The following SYTL5 variants were observed in gnomAD, a reference collection of about 807,000 sequenced individuals.
The protein encoded by SYTL5 is synaptotagmin like 5.
SYTL5 carries 34 observed loss-of-function variants against 55.9 expected under a neutral mutation model. That is an observed-to-expected ratio of 0.61 (90% CI 0.46 to 0.81). The LOEUF is 0.81. Among genes scored for constraint, SYTL5 ranks in the 30% least tolerant of loss-of-function variants. SYTL5 has a pLI of 0.00. For synonymous variants in SYTL5, 221 were observed against 188.7 expected (o/e 1.17, Z -1.40); for missense variants, 637 against 546.7 (o/e 1.17, Z -1.65).
chrX:38,006,560 C>T lies in SYTL5; in HGVS notation c.-465C>T, dbSNP rs948334906. The T allele has an allele frequency of 1.3e-4, 15 of 111,675 alleles. No individual in the cohort carries two copies. Among genetic ancestry groups the T allele is most frequent in the Middle Eastern group, 9.1e-3 (2 of 219 alleles). 9.2% of individuals were successfully genotyped at this position (111,675 alleles called of 1,213,427 possible). A position where few individuals can be genotyped will look rare whatever the true frequency, so the allele number is the denominator to read the frequency against. Reference sequence around the variant, plus strand: ...GTGGGAATATGAGAGGCTGGTTTTTCAAGTTCCTGCTCCAAGTAGTTCACA... The same window carrying T: ...GTGGGAATATGAGAGGCTGGTTTTTTAAGTTCCTGCTCCAAGTAGTTCACA... On this transcript the variant is annotated 5_prime_UTR_variant, in exon 1 of 17. Coordinates refer to ENST00000297875, the MANE Select transcript of SYTL5 (RefSeq NM_138780.3).
chrX:37,989,319 T>A, the SYTL5 span, among the ~76,000 whole-genome samples: 2 of 112,311 alleles, frequency 1.8e-5, no homozygotes, highest in Non-Finnish European at 1.9e-5. Flanking sequence ...GACAATGTTA[T>A]ATCAGCAGAA....
At chrX:37,917,095 G>A in the SYTL5 span, among the ~76,000 whole-genome samples, 5 of 111,208 alleles carry the variant, frequency 4.5e-5, no homozygotes, top group African/African-American at 1.6e-4. Flanking sequence ...TTTGGGAGGA[G>A]TGCCATTCTC....
the SYTL5 span, among the ~76,000 whole-genome samples, chrX:37,909,489 T>C: frequency 5.0e-4 from 56 of 111,027 alleles, no homozygotes; most frequent in African/African-American, 1.8e-3. Flanking sequence ...TCAATTTTTT[T>C]TTTTTAGCTC....
At chrX:38,023,386 A>C (rs1934630461) in intron 1 of SYTL5, among the ~76,000 whole-genome samples, 1 of 112,000 alleles carries the variant, frequency 8.9e-6, no homozygotes, top group African/African-American at 3.2e-5. Context: ...ATACATCCAA[A>C]ATAATAAACA....
the SYTL5 span, among the ~76,000 whole-genome samples, chrX:37,969,971 T>C: frequency 8.9e-6 from 1 of 112,193 alleles, no homozygotes; most frequent in Non-Finnish European, 1.9e-5. Context: ...ACTTTTAAGA[T>C]ATCAATCTGA....
rs1937655431 is a variant in SYTL5 at position 38,126,640 on chromosome X, G to A, written c.2103G>A (p.Gln701=). Residue 701 remains glutamine (Q), a synonymous_variant, in exon 17 of 17, where the codon CAG becomes CAA. Coordinates refer to ENST00000297875, the MANE Select transcript of SYTL5 (RefSeq NM_138780.3). ...GGATGGACTCTCAGGGGGAAGAGCA[G>A]CGCCTTTGGCAGAAGATGGCCAACA... ...VDWMDSQGEE[Q]RLWQKMANNP... The A allele has an allele frequency of 3.4e-5, 41 of 1,208,908 alleles. No homozygotes were observed. Among genetic ancestry groups the A allele is most frequent in the Non-Finnish European group, 4.5e-5 (40 of 894,618 alleles).
the SYTL5 span, among the ~76,000 whole-genome samples, chrX:37,895,461 C>CCTCA: frequency 1.1e-5 from 1 of 88,170 alleles, no homozygotes; most frequent in African/African-American, 5.9e-5. Flanking sequence ...TCCTTCCCTC[C>CCTCA]CTCCCTCCCT....
rs759879809 is a variant in SYTL5, at chrX:38,110,407, C to T, written c.1521C>T (p.Leu507=). The part of the protein sequence containing the change: ...HYDRFGRNSF[L]GEVEIPFDSW... ...ATCGATTTGGACGTAATAGCTTCCT[C>T]GGGGAAGTAGAGATTCCTTTTGACT... The change falls in exon 13 of 17, where the codon CTC becomes CTT. Residue 507 remains leucine, a synonymous_variant. Transcript: ENST00000297875. The T allele has an allele frequency of 8.3e-6, 10 of 1,206,804 alleles. No individual in the cohort carries two copies. In the South Asian group the frequency reaches 1.1e-4, roughly 13 times the overall value.
chrX:37,945,687 C>T, the SYTL5 span, among the ~76,000 whole-genome samples: 14 of 111,972 alleles, frequency 1.3e-4, no homozygotes, highest in South Asian at 5.2e-3. Flanking sequence ...CAAATTTGTA[C>T]TTCCTGAGTT....
chrX:37,972,504 G>T, the SYTL5 span, among the ~76,000 whole-genome samples: 1 of 111,395 alleles, frequency 9.0e-6, no homozygotes, highest in Non-Finnish European at 1.9e-5. Flanking sequence ...CTCCGGTTTC[G>T]GGCAACTCCT....
intron 2 of SYTL5, among the ~76,000 whole-genome samples, chrX:38,045,988 G>C (rs2147263404): frequency 8.9e-6 from 1 of 111,817 alleles, no homozygotes; most frequent in South Asian, 3.8e-4. Flanking sequence ...GCTTTGCACA[G>C]CTAGGAAAGA....
intron 7 of SYTL5, among the ~76,000 whole-genome samples, chrX:38,093,881 G>A (rs191524856): frequency 9.1e-5 from 10 of 110,207 alleles, no homozygotes; most frequent in Non-Finnish European, 1.9e-4. Flanking sequence ...TGAAGAGAGG[G>A]TATGTTGAAA....
At chrX:38,084,113 A>G (rs762294698) in intron 6 of SYTL5, among the ~76,000 whole-genome samples, 1 of 111,452 alleles carries the variant, frequency 9.0e-6, no homozygotes, top group South Asian at 3.8e-4. Context: ...TAGATCATGC[A>G]CTTTCTGTCC....
At chrX:38,048,191 C>CA (rs751199859) in intron 2 of SYTL5, among the ~76,000 whole-genome samples, 15 of 104,508 alleles carry the variant, frequency 1.4e-4, no homozygotes, top group East Asian at 3.0e-4. Context: ...ATCTCAAAAA[C>CA]AAAAAAAAAA....
intron 3 of SYTL5, among the ~76,000 whole-genome samples, chrX:38,057,976 G>A (rs1435366984): frequency 9.1e-6 from 1 of 110,366 alleles, no homozygotes; most frequent in Non-Finnish European, 1.9e-5. Context: ...TTTTTTCCTG[G>A]ATTACTAGAG....
chrX:38,125,434 C>G lies in SYTL5; in HGVS notation c.1978C>G (p.Leu660Val). Reference protein sequence around the residue: ...PQDIKNVCLELTIWDKEAFSS... With the variant: ...PQDIKNVCLEVTIWDKEAFSS... ...GGATATAAAGAATGTTTGCCTAGAA[C>G]TTACTATCTGGGACAAGGAGGCCTT... Residue 660 changes from leucine to valine, a missense_variant, in exon 16 of 17, where the codon CTT (leucine) becomes GTT (valine). Leu to Val is a conservative substitution (Grantham distance 32). Transcript: ENST00000297875. 1 of 1,211,371 alleles carries G rather than the reference C, an allele frequency of 8.3e-7. No individual in the cohort carries two copies. Among genetic ancestry groups the G allele is most frequent in the East Asian group, 3.0e-5 (1 of 33,838 alleles).
chrX:38,000,421 C>A, the SYTL5 span, among the ~76,000 whole-genome samples: 1 of 112,138 alleles, frequency 8.9e-6, no homozygotes, highest in Non-Finnish European at 1.9e-5. Context: ...CCCTTGTCCC[C>A]CTCACAGGGC....
chrX:37,980,398 GCCT>G, the SYTL5 span, among the ~76,000 whole-genome samples: 59 of 111,933 alleles, frequency 5.3e-4, no homozygotes, highest in African/African-American at 1.9e-3. Context: ...AAACTGGCAA[GCCT>G]TAGTAAATCA....
chrX:37,995,654 T>C, the SYTL5 span, among the ~76,000 whole-genome samples: 11 of 112,044 alleles, frequency 9.8e-5, no homozygotes, highest in Non-Finnish European at 1.7e-4. Flanking sequence ...AACAGCGCCC[T>C]CTCCACTTGC....
Sources: allele counts gnomAD v4.1 joint callset (sites outside exome capture counted in the v4.1 genomes callset), GRCh38; gene constraint gnomAD v4.1.1; transcripts MANE v1.5; gene names NCBI Gene and HGNC (gene_info 2026-07-23, HGNC 2026-07-21).